The following DARS1 variants were observed in gnomAD, a reference collection of about 807,000 sequenced individuals.
DARS1 encodes the protein aspartyl-tRNA synthetase 1, also known as aspartate--tRNA ligase, cytoplasmic.
In DARS1, 51 loss-of-function variants were observed where a neutral mutation model predicts 68.8. That is an observed-to-expected ratio of 0.74 (90% CI 0.59 to 0.94). The LOEUF is 0.94. DARS1 is among the 40% of genes least tolerant of loss of function. The pLI, the probability that DARS1 is intolerant of heterozygous loss-of-function variation, is 0.00. For missense variants in DARS1, 607 were observed against 597.3 expected, an observed-to-expected ratio of 1.02 and a Z score of -0.17; for synonymous variants, 203 against 190.4, an observed-to-expected ratio of 1.07 and a Z score of -0.55.
chr2:135,967,773 C>T (rs1682269761), intron 3 of DARS1, among the ~76,000 whole-genome samples: 1 of 152,110 alleles, frequency 6.6e-6, no homozygotes, highest in African/African-American at 2.4e-5. Context: ...CAGGGCTTTG[C>T]TCTACTAGAA....
At chr2:135,940,911 T>C (rs1007435196) in intron 5 of DARS1, among the ~76,000 whole-genome samples, 31 of 152,160 alleles carry the variant, frequency 2.0e-4, no homozygotes, top group South Asian at 8.3e-4. Flanking sequence ...CCATTCACAA[T>C]TGCTTCAAAG....
intron 4 of DARS1, among the ~76,000 whole-genome samples, chr2:135,954,698 T>G (rs898470432): frequency 6.6e-6 from 1 of 152,202 alleles, no homozygotes; most frequent in African/African-American, 2.4e-5. Context: ...AGATTAAGCT[T>G]CTTAAATATT....
intron 3 of DARS1, among the ~76,000 whole-genome samples, chr2:135,969,198 T>C (rs1575405636): frequency 6.9e-6 from 1 of 145,974 alleles, no homozygotes; most frequent in Non-Finnish European, 1.5e-5. Flanking sequence ...CTAGTTATCA[T>C]GGAAGGGTTT....
At position 135,914,450 on chromosome 2, in the gene DARS1, A is replaced by G. The variant is rs1558776921; in HGVS notation, c.1149+19T>C. The stretch of plus-strand genomic sequence containing the variant: ...ATTTCAGAATTAGAAAAAGAAATCC[A>G]GCATATAAAGAGTCCTACCTTTTCC... On this transcript the variant is annotated intron_variant, in intron 12 of 15. Transcript: ENST00000264161. The G allele has an allele frequency of 2.6e-6, 3 of 1,164,272 alleles. No homozygotes were observed. The highest frequency in any genetic ancestry group is 1.9e-4 in the Middle Eastern group (1 of 5,190). The allele number at this position is 1,164,272 out of a possible 1,614,324, so 72.1% of individuals were successfully genotyped here.
chr2:135,948,084 G>GT (rs1271268471), intron 4 of DARS1, among the ~76,000 whole-genome samples: 1 of 151,952 alleles, frequency 6.6e-6, no homozygotes, highest in Admixed American at 6.6e-5. Flanking sequence ...TTTTAGACCC[G>GT]TTTTTTTTCT....
At chr2:135,920,369 G>T in intron 10 of DARS1, 84 bp downstream of exon 10, 1 of 1,488,186 alleles carries the variant, frequency 6.7e-7, no homozygotes, top group Non-Finnish European at 8.9e-7. Context: ...ACTTAAGTTT[G>T]TATGTTTAAA....
At chr2:135,966,045 G>A (rs1252633152) in intron 3 of DARS1, among the ~76,000 whole-genome samples, 3 of 152,152 alleles carry the variant, frequency 2.0e-5, no homozygotes, top group Non-Finnish European at 2.9e-5. Flanking sequence ...TGTTTTACAA[G>A]GCACTACCTT....
chr2:135,967,262 G>A (rs1216631993), intron 3 of DARS1, among the ~76,000 whole-genome samples: 2 of 152,110 alleles, frequency 1.3e-5, no homozygotes, highest in South Asian at 2.1e-4. Flanking sequence ...AGATCTCAAC[G>A]TTCTGAAGTA....
At chr2:135,925,725 G>C (rs1169115579) in intron 7 of DARS1, among the ~76,000 whole-genome samples, 1 of 152,040 alleles carries the variant, frequency 6.6e-6, no homozygotes, top group African/African-American at 2.4e-5. Flanking sequence ...TTAAACTATA[G>C]AAAAAGACTT....
At chr2:135,941,873 G>T (rs1172051737) in intron 5 of DARS1, among the ~76,000 whole-genome samples, 1 of 152,058 alleles carries the variant, frequency 6.6e-6, no homozygotes, top group African/African-American at 2.4e-5. Flanking sequence ...CTCAAAAGAA[G>T]ACATTTATGC....
At chr2:135,911,679 A>G in intron 13 of DARS1, 186 bp from the exon 14 acceptor site, 1 of 483,054 alleles carries the variant, frequency 2.1e-6, no homozygotes, top group Non-Finnish European at 3.6e-6. Flanking sequence ...TTTATATCAG[A>G]TTCTGTGCTC....
intron 12 of DARS1, among the ~76,000 whole-genome samples, chr2:135,913,650 C>G (rs1316940472): frequency 6.6e-6 from 1 of 151,356 alleles, no homozygotes; most frequent in African/African-American, 2.4e-5. Context: ...CCCAGCTACT[C>G]GGGAGGCTGA....
chr2:135,982,501 CAGG>C (rs1488960691), intron 2 of DARS1, among the ~76,000 whole-genome samples: 1 of 150,718 alleles, frequency 6.6e-6, no homozygotes, highest in African/African-American at 2.4e-5. Flanking sequence ...GAGGCTGAGG[CAGG>C]AGAATTGTAG....
intron 4 of DARS1, among the ~76,000 whole-genome samples, chr2:135,953,309 T>C (rs886503082): frequency 6.6e-6 from 1 of 152,218 alleles, no homozygotes; most frequent in Non-Finnish European, 1.5e-5. Flanking sequence ...TAAGGAACAG[T>C]ATTAGTTATC....
At chr2:135,959,353 T>C (rs1003263972) in intron 4 of DARS1, among the ~76,000 whole-genome samples, 29 of 116,620 alleles carry the variant, frequency 2.5e-4, no homozygotes, top group African/African-American at 9.9e-4. Flanking sequence ...ACCACGCCAT[T>C]GCACTCCAGC....
chr2:135,975,612 G>A (rs959574907), intron 3 of DARS1, among the ~76,000 whole-genome samples: 5 of 151,782 alleles, frequency 3.3e-5, no homozygotes, highest in Non-Finnish European at 7.4e-5. Context: ...TGGCCAACAT[G>A]GTGAGACCCT....
chr2:135,918,977 C>T (rs1681057036), intron 10 of DARS1, among the ~76,000 whole-genome samples: 1 of 152,144 alleles, frequency 6.6e-6, no homozygotes, highest in Non-Finnish European at 1.5e-5. Context: ...GCAGAGAATG[C>T]CTGGAAATAC....
chr2:135,943,147 T>A (rs1681644288), intron 5 of DARS1: 2 of 457,260 alleles, frequency 4.4e-6, no homozygotes, highest in African/African-American at 2.0e-5. Flanking sequence ...ATGGAGCAGA[T>A]GAGCCATCTC....
intron 7 of DARS1, among the ~76,000 whole-genome samples, chr2:135,928,823 A>G (rs177917): frequency 0.27 from 37,493 of 139,050 alleles, 5,556 homozygotes; most frequent in Middle Eastern, 0.48. Context: ...ATTTTAAGTA[A>G]AGACGGGGTT....
Sources: gnomAD v4.1 joint callset for allele counts (sites outside exome capture counted in the v4.1 genomes callset) on GRCh38, gnomAD v4.1.1 for gene constraint, MANE v1.5 for transcripts, NCBI Gene and HGNC (gene_info 2026-07-23, HGNC 2026-07-21) for gene names.